The following TYW1 variants were observed in gnomAD, a reference collection of about 807,000 sequenced individuals.
TYW1 encodes the protein tRNA-yW synthesizing protein 1 homolog.
TYW1 carries 46 observed loss-of-function variants against 96.2 expected under a neutral mutation model. That is an observed-to-expected ratio of 0.48 (90% CI 0.38 to 0.61). The LOEUF (loss-of-function observed/expected upper bound fraction) is 0.61. Ranked by LOEUF, TYW1 falls within the 20% of genes least tolerant of loss-of-function variation. TYW1 has a pLI of 0.00. For missense variants in TYW1, 684 were observed against 909.6 expected (o/e 0.75, Z 3.19); for synonymous variants, 274 against 323.0 (o/e 0.85, Z 1.63).
intron 13 of TYW1, among the ~76,000 whole-genome samples, chr7:67,136,646 A>AGT (rs1798263555): frequency 2.0e-5 from 2 of 101,304 alleles, no homozygotes; most frequent in African/African-American, 9.9e-5. Flanking sequence ...GTGTTTATAC[A>AGT]GTGCGTGTGT....
At chr7:67,160,582 A>G (rs1371628790) in intron 13 of TYW1, among the ~76,000 whole-genome samples, 1 of 145,416 alleles carries the variant, frequency 6.9e-6, no homozygotes, top group East Asian at 1.9e-4. Context: ...ACATTTATCT[A>G]TATATTTTTA....
In TYW1 at chr7:67,205,391, G is replaced by C. The variant is rs935772514; in HGVS notation, c.1977+10054G>C. On this transcript the variant is annotated intron_variant, in intron 15 of 15. Transcript: ENST00000359626. ...CTGACATTATAGGATGGAGGCGGGG[G>C]GGGGGCCTTATTGCTGCTGGGTGGT... Among the ~76,000 whole-genome samples the C allele has an allele frequency of 4.6e-4, 70 of 152,036 alleles. 1 individual carries two copies. Among genetic ancestry groups the C allele is most frequent in the African/African-American group, 1.6e-3 (66 of 41,474 alleles).
At chr7:67,027,810 G>T (rs1217009482) in intron 7 of TYW1, among the ~76,000 whole-genome samples, 1 of 151,724 alleles carries the variant, frequency 6.6e-6, no homozygotes, top group Non-Finnish European at 1.5e-5. Flanking sequence ...GATGTCTGTA[G>T]TCCCAGCTAC....
Position 67,017,963 on chromosome 7 carries a change from C to T in TYW1, c.681C>T (p.Ala227=), listed in dbSNP as rs367914277. Reference sequence around the variant, plus strand: ...AAAGCAAGCACGGCAGCATTGAGGCCGACTTCAGAGCATGGAAGACCAAGT... The same window carrying T: ...AAAGCAAGCACGGCAGCATTGAGGCTGACTTCAGAGCATGGAAGACCAAGT... ...VVKSKHGSIE[A]DFRAWKTKFI... Residue 227 remains alanine, a synonymous_variant, in exon 6 of 16, where the codon GCC becomes GCT. Coordinates refer to ENST00000359626, the MANE Select transcript of TYW1 (RefSeq NM_018264.4). 3.5e-5 allele frequency: 57 copies of T among 1,613,890 alleles called. No homozygotes were observed. The highest frequency in any genetic ancestry group is 5.5e-5 in the South Asian group (5 of 91,072).
chr7:67,012,359 G>A (rs892349650), intron 4 of TYW1, among the ~76,000 whole-genome samples: 2 of 151,878 alleles, frequency 1.3e-5, no homozygotes, highest in South Asian at 2.1e-4. Flanking sequence ...AAAAAAAACC[G>A]CAAAAAGGCA....
intron 15 of TYW1, 140 bp downstream of exon 15, chr7:67,195,477 C>T (rs1303023671): frequency 9.3e-6 from 12 of 1,295,746 alleles, no homozygotes; most frequent in African/African-American, 1.5e-5. Flanking sequence ...AATAAGAGAG[C>T]ACTAAATTCT....
intron 13 of TYW1, among the ~76,000 whole-genome samples, chr7:67,124,360 A>T (rs1445652365): frequency 1.3e-5 from 2 of 151,948 alleles, no homozygotes; most frequent in Non-Finnish European, 2.9e-5. Flanking sequence ...CAGCCTCCCT[A>T]GTAATTGGGA....
intron 15 of TYW1, among the ~76,000 whole-genome samples, chr7:67,226,950 TG>T (rs1801579784): frequency 6.6e-6 from 1 of 151,316 alleles, no homozygotes; most frequent in Non-Finnish European, 1.5e-5. Context: ...ATTGTATGTT[TG>T]GAAGACCCAT....
At chr7:67,154,888 T>TA (rs924875839) in intron 13 of TYW1, among the ~76,000 whole-genome samples, 5 of 152,106 alleles carry the variant, frequency 3.3e-5, no homozygotes, top group African/African-American at 1.2e-4. Context: ...TTATCTTTTT[T>TA]AAAAAAAATC....
chr7:67,028,493 T>C (rs1334735057), intron 7 of TYW1, among the ~76,000 whole-genome samples: 1 of 152,232 alleles, frequency 6.6e-6, no homozygotes, highest in African/African-American at 2.4e-5. Flanking sequence ...TTCTCAGAAA[T>C]GGCTCTACAA....
At chr7:67,124,726 G>T (rs1221547192) in intron 13 of TYW1, among the ~76,000 whole-genome samples, 1 of 152,048 alleles carries the variant, frequency 6.6e-6, no homozygotes, top group East Asian at 1.9e-4. Context: ...ATTCAACATG[G>T]TGTTCAGAGA....
chr7:67,118,819 G>T (rs1178339291), intron 13 of TYW1, among the ~76,000 whole-genome samples: 1 of 139,264 alleles, frequency 7.2e-6, no homozygotes, highest in Non-Finnish European at 1.5e-5. Flanking sequence ...GGCAGAGGTT[G>T]TAGTGAGCCG....
chr7:67,030,686 G>A (rs1174517638), intron 7 of TYW1, among the ~76,000 whole-genome samples: 4 of 152,014 alleles, frequency 2.6e-5, no homozygotes, highest in Admixed American at 1.3e-4. Flanking sequence ...TTTCTGAATA[G>A]CATTCCTTAT....
In TYW1 at chr7:67,001,830, C is replaced by T. The variant is rs1024389724; in HGVS notation, c.273+2876C>T. 7.3e-5 allele frequency among the ~76,000 whole-genome samples: 11 copies of T among 151,668 alleles called. 1 individual carries two copies. Among genetic ancestry groups the T allele is most frequent in the African/African-American group, 9.7e-5 (4 of 41,368 alleles). ...GGCAGACCACTTGAGGCCAGGAGTT[C>T]GAGACCAGCCTCGGCAACAAAGCAA... is the stretch of plus-strand genomic sequence containing the variant. On this transcript the variant is annotated intron_variant, in intron 3 of 15. Transcript: ENST00000359626.
intron 11 of TYW1, among the ~76,000 whole-genome samples, chr7:67,095,469 G>C (rs1035476333): frequency 2.0e-5 from 3 of 148,136 alleles, no homozygotes; most frequent in African/African-American, 7.6e-5. Flanking sequence ...GGCCAACATA[G>C]TGAAACCCCA....
At chr7:67,039,183 G>A (rs953383463) in intron 7 of TYW1, among the ~76,000 whole-genome samples, 48 of 151,966 alleles carry the variant, frequency 3.2e-4, no homozygotes, top group African/African-American at 1.1e-3. Flanking sequence ...TAGGCCGGGT[G>A]CAGTGGCTCA....
chr7:67,152,458 G>A (rs893686662), intron 13 of TYW1, among the ~76,000 whole-genome samples: 3 of 151,802 alleles, frequency 2.0e-5, no homozygotes, highest in African/African-American at 7.3e-5. Context: ...TTCTTTGCTG[G>A]CATCTTCCCC....
chr7:67,138,034 T>C (rs1010896316), intron 13 of TYW1, among the ~76,000 whole-genome samples: 6 of 152,162 alleles, frequency 3.9e-5, no homozygotes, highest in Non-Finnish European at 1.5e-5. Context: ...TGTTAATGCT[T>C]AAAGTGACTT....
At chr7:67,144,679 C>G (rs1397861039) in intron 13 of TYW1, among the ~76,000 whole-genome samples, 1 of 152,114 alleles carries the variant, frequency 6.6e-6, no homozygotes, top group African/African-American at 2.4e-5. Flanking sequence ...CCGTGTTGCC[C>G]AGCCTCCTCT....
Sources: gnomAD v4.1 joint callset for allele counts (sites outside exome capture counted in the v4.1 genomes callset) on GRCh38, gnomAD v4.1.1 for gene constraint, MANE v1.5 for transcripts, NCBI Gene and HGNC (gene_info 2026-07-23, HGNC 2026-07-21) for gene names.